The following ATP10B variants were observed in gnomAD, a reference collection of about 807,000 sequenced individuals.
ATP10B encodes phospholipid-transporting ATPase VB.
A neutral mutation model predicts 141.2 loss-of-function variants in ATP10B; 122 were observed. The ratio of observed to expected loss-of-function variants is 0.86; its 90% CI spans 0.75 to 1.00. The LOEUF is 1.00. Among genes scored for constraint, ATP10B ranks in the 50% least tolerant of loss-of-function variants. The probability of loss-of-function intolerance (pLI) is 0.00; values close to 1 mark genes in which losing one functional copy is unlikely to be tolerated. For missense variants in ATP10B, 1,876 were observed against 1,825.3 expected, an observed-to-expected ratio of 1.03 and a Z score of -0.51; for synonymous variants, 685 against 692.0, an observed-to-expected ratio of 0.99 and a Z score of 0.16.
Position 160,644,945 on chromosome 5 carries a change from G to A in ATP10B, c.762-701C>T, listed in dbSNP as rs558379472. On this transcript the variant is annotated intron_variant, in intron 8 of 25. Transcript: ENST00000327245. ...AGCCTGGCCAACATGGTGAAACCCC[G>A]TCTCTACTAAAAATACAAAAAATTA... Among the ~76,000 whole-genome samples the A allele has an allele frequency of 3.4e-4, 52 of 151,974 alleles. No homozygotes were observed. The East Asian group carries it at 8.0e-3, about 23-fold the overall frequency.
intron 2 of ATP10B, among the ~76,000 whole-genome samples, chr5:160,778,322 C>T (rs1770481830): frequency 6.6e-6 from 1 of 152,190 alleles, no homozygotes; most frequent in Non-Finnish European, 1.5e-5. Flanking sequence ...ACAGTGGAGA[C>T]CACAGCTCCA....
chr5:160,902,354 G>A, the ATP10B span, among the ~76,000 whole-genome samples: 12 of 152,280 alleles, frequency 7.9e-5, no homozygotes, highest in South Asian at 2.5e-3. Context: ...CTATTTTCTA[G>A]GTGTTGCAAT....
At chr5:160,804,759 G>GTGCATC (rs1279781774) in intron 1 of ATP10B, among the ~76,000 whole-genome samples, 2 of 152,184 alleles carry the variant, frequency 1.3e-5, no homozygotes, top group African/African-American at 4.8e-5. Context: ...TGGGATATGT[G>GTGCATC]TGCATCTTAT....
chr5:160,854,069 T>C (rs1753935792), upstream of ATP10B, among the ~76,000 whole-genome samples: 1 of 152,272 alleles, frequency 6.6e-6, no homozygotes, highest in African/African-American at 2.4e-5. Context: ...AAAGAAGCAA[T>C]GGTAGACAGA....
Position 160,640,602 on chromosome 5 carries a change from A to G in ATP10B, c.869-10T>C. 3.1e-6 allele frequency: 5 copies of G among 1,613,768 alleles called. No individual in the cohort carries two copies. Among genetic ancestry groups the G allele is most frequent in the Non-Finnish European group, 4.2e-6 (5 of 1,179,788 alleles). On this transcript the variant is annotated splice_polypyrimidine_tract_variant and intron_variant, in intron 9 of 25. Coordinates refer to ENST00000327245, the MANE Select transcript of ATP10B (RefSeq NM_025153.3). The stretch of plus-strand genomic sequence containing the variant: ...GCTTTCGTCTCATGGCCTTTGAGAG[A>G]AAATGAGGAAATCAGTCCCTTAGTT...
intron 7 of ATP10B, among the ~76,000 whole-genome samples, chr5:160,661,359 G>A (rs2127713153): frequency 6.6e-6 from 1 of 152,260 alleles, no homozygotes; most frequent in Non-Finnish European, 1.5e-5. Flanking sequence ...TTATTTGGAT[G>A]CTGATTCAAA....
chr5:160,809,452 T>A lies in ATP10B; in HGVS notation c.-575-23649A>T, dbSNP rs1034919990. 3.9e-5 allele frequency among the ~76,000 whole-genome samples: 6 copies of A among 152,346 alleles called. No homozygotes were observed. In the East Asian group the frequency reaches 9.6e-4, roughly 24 times the overall value. ...TATATATTTCTGGTGTGCATAGTGATGTTGCAATACATATGCAATACATAT... is the reference window on the plus strand; with the variant it reads ...TATATATTTCTGGTGTGCATAGTGAAGTTGCAATACATATGCAATACATAT... On this transcript the variant is annotated intron_variant, in intron 1 of 25. Coordinates refer to ENST00000327245, the MANE Select transcript of ATP10B (RefSeq NM_025153.3).
intron 2 of ATP10B, among the ~76,000 whole-genome samples, chr5:160,739,558 T>TA (rs758332548): frequency 6.6e-6 from 1 of 152,208 alleles, no homozygotes; most frequent in Non-Finnish European, 1.5e-5. Context: ...TAAAACTCCA[T>TA]AAAATTACTA....
intron 2 of ATP10B, among the ~76,000 whole-genome samples, chr5:160,770,727 A>G (rs1412252828): frequency 6.6e-6 from 1 of 152,216 alleles, no homozygotes; most frequent in Non-Finnish European, 1.5e-5. Flanking sequence ...AAGCACATCA[A>G]AACCATGTTT....
the ATP10B span, among the ~76,000 whole-genome samples, chr5:160,891,352 T>C: frequency 6.6e-6 from 1 of 152,164 alleles, no homozygotes; most frequent in Non-Finnish European, 1.5e-5. Flanking sequence ...CCCCCAGTGA[T>C]TTTCCTCTTA....
At chr5:160,788,949 A>G (rs1318270021) in intron 1 of ATP10B, among the ~76,000 whole-genome samples, 3 of 152,192 alleles carry the variant, frequency 2.0e-5, no homozygotes, top group Non-Finnish European at 4.4e-5. Flanking sequence ...TATGTGATAC[A>G]TACAAAGATG....
In ATP10B at chr5:160,669,811, A is replaced by G. The variant is rs1191299947; in HGVS notation, c.675+652T>C. ...GAGACAGGGTTTCACCATGTTGGCC[A>G]GGATGATCTGGAACTCCTGGCCTCA... On this transcript the variant is annotated intron_variant, in intron 7 of 25. Transcript: ENST00000327245. 3.3e-5 allele frequency among the ~76,000 whole-genome samples: 5 copies of G among 150,278 alleles called. No homozygotes were observed. The East Asian group carries it at 9.8e-4, about 29-fold the overall frequency.
intron 18 of ATP10B, among the ~76,000 whole-genome samples, chr5:160,608,294 G>A (rs569496607): frequency 2.0e-5 from 3 of 152,288 alleles, no homozygotes; most frequent in South Asian, 2.1e-4. Flanking sequence ...ATTCCATGGT[G>A]TATATGTGCC....
At chr5:160,718,857 A>G (rs1301021486) in intron 2 of ATP10B, among the ~76,000 whole-genome samples, 2 of 152,180 alleles carry the variant, frequency 1.3e-5, no homozygotes, top group Non-Finnish European at 2.9e-5. Flanking sequence ...TTTGGTAGGG[A>G]CAAACCAAAC....
At chr5:160,882,822 G>A in the ATP10B span, among the ~76,000 whole-genome samples, 3 of 152,078 alleles carry the variant, frequency 2.0e-5, no homozygotes, top group African/African-American at 4.8e-5. Context: ...AGGTTTCATT[G>A]TTCACACAAC....
chr5:160,835,285 C>G lies in ATP10B; in HGVS notation c.-576+16656G>C, dbSNP rs114510067. Among the ~76,000 whole-genome samples, 928 of 152,224 alleles carry G rather than the reference C, an allele frequency of 6.1e-3. 15 individuals carry two copies. Among genetic ancestry groups the G allele is most frequent in the African/African-American group, 0.022 (894 of 41,554 alleles). On this transcript the variant is annotated intron_variant, in intron 1 of 25. Transcript: ENST00000327245. ...TTCCAAACACTGGCTCAGAAATGGA[C>G]TGTGCTTGTTGAAGAACAAGCTGAG...
intron 5 of ATP10B, 23 bp downstream of exon 5, chr5:160,687,777 T>C (rs749610312): frequency 8.1e-6 from 13 of 1,603,920 alleles, no homozygotes; most frequent in Non-Finnish European, 1.0e-5. Flanking sequence ...AAAAGAGTAT[T>C]GTTCAGACAA....
At chr5:160,686,411 T>C (rs1053935039) in intron 5 of ATP10B, 138 bp from the exon 6 acceptor site, 2 of 608,010 alleles carry the variant, frequency 3.3e-6, no homozygotes, top group Non-Finnish European at 5.4e-6. Flanking sequence ...GGTAATGGAT[T>C]TGAAGCCAAA....
chr5:160,615,888 TC>T lies in ATP10B; in HGVS notation c.2602del (p.Glu868SerfsTer47). 6.2e-7 allele frequency: 1 copy of T among 1,613,976 alleles called. No homozygotes were observed. The highest frequency in any genetic ancestry group is 8.5e-7 in the Non-Finnish European group (1 of 1,179,898). On this transcript the variant is annotated frameshift_variant, in exon 17 of 26. Coordinates refer to ENST00000327245, the MANE Select transcript of ATP10B (RefSeq NM_025153.3). LOFTEE classifies it high-confidence loss of function. ...EAEASLDNRD[E>X]LLMETAQHLE... Reference sequence around the variant, plus strand: ...ATGCTGTGCAGTTTCCATGAGAAGCTCATCTCGGTTGTCGAGGGATGCCTCA... The same window carrying T: ...ATGCTGTGCAGTTTCCATGAGAAGCTATCTCGGTTGTCGAGGGATGCCTCA...
Sources: allele counts gnomAD v4.1 joint callset (sites outside exome capture counted in the v4.1 genomes callset), GRCh38; gene constraint gnomAD v4.1.1; transcripts MANE v1.5; gene names NCBI Gene and HGNC (gene_info 2026-07-23, HGNC 2026-07-21).